Variants in TRNAU1AP observed in about 807,000 individuals in gnomAD.
TRNAU1AP encodes tRNA selenocysteine 1 associated protein 1, also known as tRNA selenocysteine 1-associated protein 1.
A neutral mutation model predicts 43.3 loss-of-function variants in TRNAU1AP; 33 were observed. That is an observed-to-expected ratio of 0.76 (90% CI 0.58 to 1.02). The LOEUF (loss-of-function observed/expected upper bound fraction) is 1.02, where lower values mean the gene tolerates loss of function less well. Ranked by LOEUF, TRNAU1AP falls within the 50% of genes least tolerant of loss-of-function variation. TRNAU1AP has a pLI of 0.00. For synonymous variants in TRNAU1AP, 143 were observed against 129.1 expected (o/e 1.11, Z -0.73); for missense variants, 290 against 362.7 (o/e 0.80, Z 1.63).
chr1:28,577,719 T>TTTGTAAG lies in TRNAU1AP; in HGVS notation c.*83_*84insTTGTAAG. Reference sequence around the variant, plus strand: ...AAAAATTGTGAAACCTTTTTGGAAATATGATTTGTAAGATTTTAATAATGA... The same window carrying TTTGTAAG: ...AAAAATTGTGAAACCTTTTTGGAAATTTGTAAGATGATTTGTAAGATTTTAATAATGA... On this transcript the variant is annotated 3_prime_UTR_variant, in exon 9 of 9. Transcript: ENST00000373830. The TTTGTAAG allele has an allele frequency of 7.1e-7, 1 of 1,405,310 alleles. No homozygotes were observed. The highest frequency in any genetic ancestry group is 9.7e-7 in the Non-Finnish European group (1 of 1,031,370). 87.1% of individuals were successfully genotyped at this position (1,405,310 alleles called of 1,614,324 possible).
At chr1:28,554,537 T>A (rs984416135) in intron 2 of TRNAU1AP, among the ~76,000 whole-genome samples, 3 of 152,120 alleles carry the variant, frequency 2.0e-5, no homozygotes, top group African/African-American at 7.2e-5. Flanking sequence ...AGAGGCTTAA[T>A]AACTTGAAGA....
At chr1:28,561,131 C>T in intron 3 of TRNAU1AP, 2 of 1,409,540 alleles carry the variant, frequency 1.4e-6, no homozygotes, top group Non-Finnish European at 9.2e-7. Flanking sequence ...CTTACAGCTG[C>T]ACCAGCTGGC....
intron 4 of TRNAU1AP, 95 bp from the exon 5 acceptor site, chr1:28,564,608 G>A (rs1008938888): frequency 1.7e-5 from 25 of 1,465,620 alleles, no homozygotes; most frequent in Non-Finnish European, 2.3e-5. Context: ...TTTCCTTAAG[G>A]GGCCTGGGAG....
intron 2 of TRNAU1AP, among the ~76,000 whole-genome samples, chr1:28,556,956 C>T (rs902234124): frequency 6.8e-6 from 1 of 146,412 alleles, no homozygotes; most frequent in East Asian, 2.1e-4. Context: ...GGATTACAGG[C>T]GTGAGCCACT....
chr1:28,561,129 T>C (rs1665395158), intron 3 of TRNAU1AP: 1 of 1,409,626 alleles, frequency 7.1e-7, no homozygotes, highest in Admixed American at 2.9e-5. Flanking sequence ...AGCTTACAGC[T>C]GCACCAGCTG....
At chr1:28,563,178 GC>G (rs1435831187) in intron 4 of TRNAU1AP, among the ~76,000 whole-genome samples, 1 of 151,850 alleles carries the variant, frequency 6.6e-6, no homozygotes, top group African/African-American at 2.4e-5. Context: ...ACAGGCATGA[GC>G]CACTGCGCCT....
At chr1:28,575,854 GGC>G in intron 8 of TRNAU1AP, among the ~76,000 whole-genome samples, 1 of 124,892 alleles carries the variant, frequency 8.0e-6, no homozygotes, top group Middle Eastern at 5.6e-3. Context: ...CACTGCGCCT[GGC>G]TTTTTTTTTT....
At chr1:28,562,192 A>C (rs940170938) in intron 4 of TRNAU1AP, among the ~76,000 whole-genome samples, 1 of 152,244 alleles carries the variant, frequency 6.6e-6, no homozygotes, top group African/African-American at 2.4e-5. Context: ...AAAAACATTT[A>C]TATGCATTAA....
At position 28,577,690 on chromosome 1, in the gene TRNAU1AP, T is replaced by G; in HGVS notation, c.*54T>G. On this transcript the variant is annotated 3_prime_UTR_variant, in exon 9 of 9. Coordinates refer to ENST00000373830, the MANE Select transcript of TRNAU1AP (RefSeq NM_017846.5). ...GATGTGAGGGAGATGAGAGACTCCTTTTTAAAAATTGTGAAACCTTTTTGG... is the reference window on the plus strand; with the variant it reads ...GATGTGAGGGAGATGAGAGACTCCTGTTTAAAAATTGTGAAACCTTTTTGG... 3.9e-6 allele frequency: 6 copies of G among 1,538,944 alleles called. No homozygotes were observed. The highest frequency in any genetic ancestry group is 5.3e-6 in the Non-Finnish European group (6 of 1,141,948).
intron 8 of TRNAU1AP, among the ~76,000 whole-genome samples, chr1:28,573,570 C>A (rs945443478): frequency 6.6e-6 from 1 of 151,950 alleles, no homozygotes; most frequent in South Asian, 2.1e-4. Context: ...GTCGGAAGTT[C>A]TAGACCAGCC....
chr1:28,556,291 G>T (rs1665260533), intron 2 of TRNAU1AP, among the ~76,000 whole-genome samples: 1 of 151,766 alleles, frequency 6.6e-6, no homozygotes, highest in Admixed American at 6.6e-5. Context: ...GTGAAACCTT[G>T]TCTCTACTAA....
At position 28,577,634 on chromosome 1, in the gene TRNAU1AP, TAGCCAGGCCAAAGGACA is replaced by T; in HGVS notation, c.*6_*22del. On this transcript the variant is annotated stop_retained_variant and 3_prime_UTR_variant, in exon 9 of 9. Transcript: ENST00000373830. ...GTCTTCAGAGATCCCTGCCATGATG[TAGCCAGGCCAAAGGACA>T]AGCCAGGTTGCATGATGTGAGGGAG... 6.2e-7 allele frequency: 1 copy of T among 1,613,708 alleles called. No homozygotes were observed. The highest frequency in any genetic ancestry group is 8.5e-7 in the Non-Finnish European group (1 of 1,179,846).
At chr1:28,568,025 A>G (rs918940839) in intron 6 of TRNAU1AP, among the ~76,000 whole-genome samples, 5 of 152,082 alleles carry the variant, frequency 3.3e-5, no homozygotes, top group African/African-American at 1.2e-4. Flanking sequence ...TTAGCCAGTC[A>G]TGGTGGTGCA....
chr1:28,577,696 A>G lies in TRNAU1AP; in HGVS notation c.*60A>G, dbSNP rs1665829032. On this transcript the variant is annotated 3_prime_UTR_variant, in exon 9 of 9. Coordinates refer to ENST00000373830, the MANE Select transcript of TRNAU1AP (RefSeq NM_017846.5). ...AGGGAGATGAGAGACTCCTTTTTAA[A>G]AATTGTGAAACCTTTTTGGAAATAT... The G allele has an allele frequency of 1.3e-6, 2 of 1,522,150 alleles. No individual in the cohort carries two copies. Among genetic ancestry groups the G allele is most frequent in the East Asian group, 2.3e-5 (1 of 43,124 alleles). The allele number at this position is 1,522,150 out of a possible 1,614,324, so 94.3% of individuals were successfully genotyped here.
intron 8 of TRNAU1AP, among the ~76,000 whole-genome samples, chr1:28,576,022 G>A (rs1364723185): frequency 2.8e-5 from 4 of 143,506 alleles, no homozygotes; most frequent in South Asian, 2.2e-4. Flanking sequence ...TGCCATACCC[G>A]GCTAATTTTT....
Position 28,553,109 on chromosome 1 carries a change from G to T in TRNAU1AP, c.-2G>T. ...CGCAAAGCCCCACCCCGGTGCGCGG[G>T]TATGGCGGCCAGCCTGTGGATGGGC... On this transcript the variant is annotated 5_prime_UTR_variant, in exon 1 of 9. Coordinates refer to ENST00000373830, the MANE Select transcript of TRNAU1AP (RefSeq NM_017846.5). 6.6e-7 allele frequency: 1 copy of T among 1,522,282 alleles called. No homozygotes were observed. The highest frequency in any genetic ancestry group is 1.4e-5 in the African/African-American group (1 of 70,820). The allele number at this position is 1,522,282 out of a possible 1,614,324, so 94.3% of individuals were successfully genotyped here. A position where few individuals can be genotyped will look rare whatever the true frequency, so the allele number is the denominator to read the frequency against.
At chr1:28,554,770 G>A (rs1266138535) in intron 2 of TRNAU1AP, among the ~76,000 whole-genome samples, 1 of 151,636 alleles carries the variant, frequency 6.6e-6, no homozygotes, top group Admixed American at 6.6e-5. Flanking sequence ...CGTGAACCCA[G>A]GAGGCGGAGC....
Position 28,577,545 on chromosome 1 carries a change from TG to T in TRNAU1AP, c.775del (p.Glu259AsnfsTer10). The T allele has an allele frequency of 6.2e-7, 1 of 1,614,058 alleles. No homozygotes were observed. The highest frequency in any genetic ancestry group is 8.5e-7 in the Non-Finnish European group (1 of 1,179,990). ...GTGACTGAGGCCAACAAGGAGTTCA[TG>T]GAACAGAGTGAGGAGCTGTATGACG... ...LDVTEANKEF[M>X]EQSEELYDAL... is the part of the protein sequence containing the mutation. On this transcript the variant is annotated frameshift_variant, in exon 9 of 9. Coordinates refer to ENST00000373830, the MANE Select transcript of TRNAU1AP (RefSeq NM_017846.5). LOFTEE classifies it high-confidence loss of function.
chr1:28,577,555 T>C lies in TRNAU1AP; in HGVS notation c.783T>C (p.Ser261=). 1 of 1,613,900 alleles carries C rather than the reference T, an allele frequency of 6.2e-7. No individual in the cohort carries two copies. The highest frequency in any genetic ancestry group is 1.1e-5 in the South Asian group (1 of 91,066). The part of the protein sequence containing the change: ...TEANKEFMEQ[S]EELYDALMDC... ...CCAACAAGGAGTTCATGGAACAGAG[T>C]GAGGAGCTGTATGACGCTCTGATGG... Residue 261 remains serine, a synonymous_variant, in exon 9 of 9, where the codon AGT becomes AGC. Transcript: ENST00000373830.
Sources: gnomAD v4.1 joint callset for allele counts (sites outside exome capture counted in the v4.1 genomes callset) on GRCh38, gnomAD v4.1.1 for gene constraint, MANE v1.5 for transcripts, NCBI Gene and HGNC (gene_info 2026-07-23, HGNC 2026-07-21) for gene names.